Variants in ASTN2 observed in about 807,000 individuals in gnomAD.
ASTN2 encodes the protein astrotactin 2.
ASTN2 carries 54 observed loss-of-function variants against 139.8 expected under a neutral mutation model. That is an observed-to-expected ratio of 0.39 (90% CI 0.31 to 0.48). The LOEUF is 0.48. ASTN2 is among the 20% of genes least tolerant of loss of function. The probability of loss-of-function intolerance (pLI) is 0.95; values close to 1 mark genes in which losing one functional copy is unlikely to be tolerated. For missense variants in ASTN2, 1,565 were observed against 1,725.1 expected (o/e 0.91, Z 1.64); for synonymous variants, 756 against 719.5 (o/e 1.05, Z -0.81).
At chr9:117,102,668 G>A (rs1829008755) in intron 4 of ASTN2, among the ~76,000 whole-genome samples, 1 of 152,012 alleles carries the variant, frequency 6.6e-6, no homozygotes, top group Admixed American at 6.6e-5. Context: ...GATTACAGGT[G>A]TGCATCACCA....
At chr9:117,274,322 C>A (rs1355285362) in intron 2 of ASTN2, among the ~76,000 whole-genome samples, 2 of 152,146 alleles carry the variant, frequency 1.3e-5, no homozygotes, top group East Asian at 1.9e-4. Context: ...TGCACTCCAG[C>A]CTGAGCAACA....
At chr9:116,744,482 A>T (rs1292259106) in intron 13 of ASTN2, among the ~76,000 whole-genome samples, 2 of 152,146 alleles carry the variant, frequency 1.3e-5, no homozygotes, top group Non-Finnish European at 2.9e-5. Flanking sequence ...GGAAGGAGGG[A>T]GACCAGTTAA....
At chr9:117,076,234 GA>G (rs1828277143) in intron 5 of ASTN2, among the ~76,000 whole-genome samples, 1 of 152,156 alleles carries the variant, frequency 6.6e-6, no homozygotes. Flanking sequence ...GGGAATAGCT[GA>G]ACTGATTTTT....
chr9:116,608,181 C>T (rs1196148906), intron 19 of ASTN2, among the ~76,000 whole-genome samples: 1 of 152,162 alleles, frequency 6.6e-6, no homozygotes, highest in Non-Finnish European at 1.5e-5. Flanking sequence ...AAAGTGATTA[C>T]ACTTCGTAAG....
intron 3 of ASTN2, among the ~76,000 whole-genome samples, chr9:117,182,067 G>A (rs1007071537): frequency 1.3e-5 from 2 of 152,012 alleles, no homozygotes; most frequent in Non-Finnish European, 2.9e-5. Context: ...AGTTCACAAG[G>A]CTGCTGTTCC....
In ASTN2 at chr9:117,011,410, A is replaced by G. The variant is rs151073130; in HGVS notation, c.1424-3151T>C. On this transcript the variant is annotated intron_variant, in intron 6 of 22. Transcript: ENST00000313400. Reference sequence around the variant, plus strand: ...CTCACTCCTTCCACCATGTGAGAACACAGGGAGAAGTGGCCATTTGTGAAT... The same window carrying G: ...CTCACTCCTTCCACCATGTGAGAACGCAGGGAGAAGTGGCCATTTGTGAAT... Among the ~76,000 whole-genome samples the G allele has an allele frequency of 1.8e-3, 276 of 152,336 alleles. 2 individuals are homozygous for G. The highest frequency in any genetic ancestry group is 3.4e-3 in the Middle Eastern group (1 of 294).
intron 12 of ASTN2, among the ~76,000 whole-genome samples, chr9:116,806,303 T>TTTTA (rs373499804): frequency 3.2e-4 from 48 of 152,310 alleles, no homozygotes; most frequent in African/African-American, 1.0e-3. Context: ...CACTTAGGGA[T>TTTTA]TTTAGCAGCC....
intron 20 of ASTN2, among the ~76,000 whole-genome samples, chr9:116,455,587 A>G (rs1848309379): frequency 6.6e-6 from 1 of 152,086 alleles, no homozygotes; most frequent in Non-Finnish European, 1.5e-5. Flanking sequence ...ATGATCAATG[A>G]CTACATAATT....
At chr9:116,948,551 C>T (rs1835462056) in intron 10 of ASTN2, among the ~76,000 whole-genome samples, 1 of 151,916 alleles carries the variant, frequency 6.6e-6, no homozygotes, top group Non-Finnish European at 1.5e-5. Context: ...TTCCCAGGAG[C>T]ACTGATTGTT....
intron 19 of ASTN2, among the ~76,000 whole-genome samples, chr9:116,567,609 A>T (rs1404004918): frequency 6.6e-6 from 1 of 152,186 alleles, no homozygotes; most frequent in East Asian, 1.9e-4. Flanking sequence ...TTCTGGCTGT[A>T]GCATGGAAGA....
At chr9:116,728,965 C>T (rs1418375324) in intron 15 of ASTN2, 27 bp downstream of exon 15, 4 of 1,553,680 alleles carry the variant, frequency 2.6e-6, no homozygotes, top group South Asian at 1.2e-5. Context: ...TTCCAAGTCC[C>T]CTGGCTGCCC....
At position 116,651,805 on chromosome 9, in the gene ASTN2, C is replaced by G. The variant is rs1298359596; in HGVS notation, c.2807-12G>C. On this transcript the variant is annotated splice_polypyrimidine_tract_variant and intron_variant, in intron 16 of 22. Coordinates refer to ENST00000313400, the MANE Select transcript of ASTN2 (RefSeq NM_001365068.1). Reference sequence around the variant, plus strand: ...CAGCTCTGTGGTCTCTGGAGAGGCACAAGACAGGAAGAGCGAAAGGTAAAC... The same window carrying G: ...CAGCTCTGTGGTCTCTGGAGAGGCAGAAGACAGGAAGAGCGAAAGGTAAAC... 1.2e-6 allele frequency: 2 copies of G among 1,609,250 alleles called. No homozygotes were observed. The highest frequency in any genetic ancestry group is 2.7e-5 in the African/African-American group (2 of 74,786).
intron 3 of ASTN2, among the ~76,000 whole-genome samples, chr9:117,169,755 G>A (rs1334110438): frequency 1.3e-5 from 2 of 151,778 alleles, no homozygotes; most frequent in Non-Finnish European, 2.9e-5. Context: ...GGGGGCTGGT[G>A]TGGGGAGGGA....
chr9:116,476,465 T>C (rs1321525511), intron 20 of ASTN2, among the ~76,000 whole-genome samples: 1 of 152,168 alleles, frequency 6.6e-6, no homozygotes, highest in Non-Finnish European at 1.5e-5. Flanking sequence ...TGGCTCTTCC[T>C]TGGTGTCCCC....
chr9:116,655,259 A>G lies in ASTN2; in HGVS notation c.2807-3466T>C, dbSNP rs146770111. ...CATTCCATTAATTATTCCTCTGTAG[A>G]CATTACAATTGCAAAAGCTAATTGC... On this transcript the variant is annotated intron_variant, in intron 16 of 22. Transcript: ENST00000313400. Among the ~76,000 whole-genome samples, 548 of 152,342 alleles carry G rather than the reference A, an allele frequency of 3.6e-3. 1 individual carries two copies. The highest frequency in any genetic ancestry group is 5.6e-3 in the Non-Finnish European group (378 of 68,040).
intron 2 of ASTN2, among the ~76,000 whole-genome samples, chr9:117,271,047 C>A (rs574592796): frequency 6.6e-6 from 1 of 152,084 alleles, no homozygotes; most frequent in Non-Finnish European, 1.5e-5. Context: ...TTTAGCATAG[C>A]GGCTACTAGC....
intron 16 of ASTN2, among the ~76,000 whole-genome samples, chr9:116,655,715 A>G (rs1315795316): frequency 6.6e-6 from 1 of 151,994 alleles, no homozygotes; most frequent in Non-Finnish European, 1.5e-5. Flanking sequence ...ATATATATAC[A>G]GCGTCTCACT....
chr9:116,995,342 C>T (rs1836985460), intron 7 of ASTN2, among the ~76,000 whole-genome samples: 1 of 151,940 alleles, frequency 6.6e-6, no homozygotes, highest in Admixed American at 6.6e-5. Context: ...AATATGAGGC[C>T]CATAGAGAAA....
intron 1 of ASTN2, among the ~76,000 whole-genome samples, chr9:117,292,042 CCTGAGCGTGTTCCTCTTG>C (rs1381241385): frequency 1.3e-5 from 2 of 152,056 alleles, no homozygotes; most frequent in Non-Finnish European, 1.5e-5. Flanking sequence ...AGAGGGTTGC[CCTGAGCGTGTTCCTCTTG>C]CTTCCACAAG....
Sources: gnomAD v4.1 joint callset for allele counts (sites outside exome capture counted in the v4.1 genomes callset) on GRCh38, gnomAD v4.1.1 for gene constraint, MANE v1.5 for transcripts, NCBI Gene and HGNC (gene_info 2026-07-23, HGNC 2026-07-21) for gene names.